PADI6: variants seen among roughly 807,000 people sequenced by gnomAD.
PADI6 encodes peptidyl arginine deiminase 6.
Under a neutral mutation model 78.2 loss-of-function variants are expected in PADI6, and 66 were observed. The ratio of observed to expected loss-of-function variants is 0.84; its 90% confidence interval spans 0.69 to 1.04. The LOEUF is 1.04. Among genes scored for constraint, PADI6 ranks in the 50% least tolerant of loss-of-function variants. PADI6 has a pLI of 0.00. For synonymous variants in PADI6, 397 were observed against 346.9 expected (o/e 1.14, Z -1.60); for missense variants, 854 against 866.1 (o/e 0.99, Z 0.18).
At chr1:17,384,491 C>T (rs1213920059) in intron 6 of PADI6, among the ~76,000 whole-genome samples, 2 of 143,188 alleles carry the variant, frequency 1.4e-5, no homozygotes, top group East Asian at 2.2e-4. Context: ...TTAATCCCAG[C>T]ACTTTGAGTA....
At chr1:17,392,575 G>C (rs1188527816) in intron 9 of PADI6, among the ~76,000 whole-genome samples, 1 of 152,346 alleles carries the variant, frequency 6.6e-6, no homozygotes, top group East Asian at 1.9e-4. Flanking sequence ...ACCAAGTCTA[G>C]AGCCCCGGTC....
chr1:17,380,901 C>T, intron 4 of PADI6, 146 bp from the exon 5 acceptor site: 1 of 585,142 alleles, frequency 1.7e-6, no homozygotes, highest in Non-Finnish European at 2.9e-6. Context: ...CCTGTGCCTA[C>T]AGATTCTTGA....
intron 15 of PADI6, among the ~76,000 whole-genome samples, chr1:17,399,723 C>A (rs1337235955): frequency 1.4e-5 from 2 of 139,496 alleles, no homozygotes; most frequent in East Asian, 2.2e-4. Flanking sequence ...TGAGACCCTG[C>A]AACTTTAAAA....
At chr1:17,393,894 G>A (rs561386119) in intron 9 of PADI6, 81 bp from the exon 10 acceptor site, 1 of 1,264,636 alleles carries the variant, frequency 7.9e-7, no homozygotes, top group East Asian at 2.4e-5. Context: ...GAAGGAAGGG[G>A]GTTCTTACCG....
At chr1:17,376,143 T>C (rs2075013816) in intron 3 of PADI6, among the ~76,000 whole-genome samples, 1 of 151,462 alleles carries the variant, frequency 6.6e-6, no homozygotes, top group Non-Finnish European at 1.5e-5. Flanking sequence ...CCTGGCTAAT[T>C]TTTATATTTT....
rs904376377 is a variant in PADI6, at chr1:17,372,855, G to C, written c.117-201G>C. Among the ~76,000 whole-genome samples the C allele has an allele frequency of 1.0e-3, 153 of 151,884 alleles. 2 individuals are homozygous for C. Among genetic ancestry groups the C allele is most frequent in the African/African-American group, 3.5e-3 (146 of 41,360 alleles). On this transcript the variant is annotated intron_variant, in intron 1 of 15. Coordinates refer to ENST00000619609, the MANE Select transcript of PADI6 (RefSeq NM_207421.4). Reference sequence around the variant, plus strand: ...CTTCTGCAGTGTCGGTAGCGGGATGGGGTTTGGGCTGGAGCCCGTCGGAGA... The same window carrying C: ...CTTCTGCAGTGTCGGTAGCGGGATGCGGTTTGGGCTGGAGCCCGTCGGAGA...
chr1:17,390,911 T>C (rs776046606), intron 8 of PADI6, among the ~76,000 whole-genome samples: 2 of 152,216 alleles, frequency 1.3e-5, no homozygotes, highest in East Asian at 1.9e-4. Context: ...TGACCCCATA[T>C]AGCTGCATAT....
At chr1:17,388,710 C>A in intron 7 of PADI6, 67 bp from the exon 8 acceptor site, 1 of 1,530,126 alleles carries the variant, frequency 6.5e-7, no homozygotes, top group Non-Finnish European at 8.9e-7. Flanking sequence ...ACGGCCGGAA[C>A]CCTGGGGTAA....
intron 13 of PADI6, 138 bp downstream of exon 13, chr1:17,395,801 C>A: frequency 2.5e-6 from 3 of 1,191,172 alleles, no homozygotes; most frequent in Non-Finnish European, 3.4e-6. Context: ...CATATTAGAA[C>A]GTCTTATTTC....
Position 17,398,654 on chromosome 1 carries a change from G to GCTC in PADI6, c.1690-31_1690-30insTCC, listed in dbSNP as rs1553154452. ...CCTGATGAGCTCTCCTTGCTCCCCC[G>GCTC]CCCCCCCCCCCACCCACCCACCCAC... On this transcript the variant is annotated intron_variant, in intron 14 of 15. Transcript: ENST00000619609. 16 of 173,478 alleles carry GCTC rather than the reference G, an allele frequency of 9.2e-5. 2 individuals are homozygous for GCTC. Among genetic ancestry groups the GCTC allele is most frequent in the Middle Eastern group, 2.4e-3 (1 of 412 alleles). 10.7% of individuals were successfully genotyped at this position (173,478 alleles called of 1,614,324 possible). A position where few individuals can be genotyped will look rare whatever the true frequency, so the allele number is the denominator to read the frequency against.
chr1:17,383,763 C>A (rs997315245), intron 6 of PADI6, among the ~76,000 whole-genome samples: 1 of 152,138 alleles, frequency 6.6e-6, no homozygotes, highest in Admixed American at 6.5e-5. Flanking sequence ...TTGCTTGAAC[C>A]CGAAAGGCAG....
In PADI6 at chr1:17,381,088, G is replaced by C; in HGVS notation, c.477G>C (p.Leu159=). 6.2e-7 allele frequency: 1 copy of C among 1,609,286 alleles called. No individual in the cohort carries two copies. Among genetic ancestry groups the C allele is most frequent in the Non-Finnish European group, 8.5e-7 (1 of 1,178,014 alleles). Residue 159 remains leucine, a synonymous_variant, in exon 5 of 16, where the codon CTG becomes CTC. Coordinates refer to ENST00000619609, the MANE Select transcript of PADI6 (RefSeq NM_207421.4). ...GTCCCAGCGGTTGGGGTGCCATCCTGCTTGTGAATTGCAACCCTGCTGATG... is the reference window on the plus strand; with the variant it reads ...GTCCCAGCGGTTGGGGTGCCATCCTCCTTGTGAATTGCAACCCTGCTGATG... The part of the protein sequence containing the change: ...IWGPSGWGAI[L]LVNCNPADVG...
intron 6 of PADI6, among the ~76,000 whole-genome samples, chr1:17,388,028 T>C (rs1027400082): frequency 6.6e-6 from 1 of 152,186 alleles, no homozygotes; most frequent in Non-Finnish European, 1.5e-5. Context: ...CCTTTAGGAC[T>C]CTGATATTAT....
chr1:17,392,114 G>T lies in PADI6; in HGVS notation c.963G>T (p.Arg321Ser). The T allele has an allele frequency of 6.4e-7, 1 of 1,555,056 alleles. No homozygotes were observed. The highest frequency in any genetic ancestry group is 8.7e-7 in the Non-Finnish European group (1 of 1,149,064). Residue 321 changes from arginine to serine, a missense_variant and splice_region_variant, in exon 9 of 16, where the codon AGG (arginine) becomes AGT (serine). Arg to Ser is a moderately radical substitution (Grantham distance 110). Transcript: ENST00000619609. ...TQVPLEVYLC[R>S]ELQLQGFVDT... ...AGAACTGGCTTCTCTCCCATGGCAG[G>T]GAGCTGCAGCTGCAGGGTTTTGTGG...
intron 3 of PADI6, among the ~76,000 whole-genome samples, chr1:17,376,286 T>C (rs1369159157): frequency 3.3e-5 from 5 of 149,636 alleles, no homozygotes; most frequent in Non-Finnish European, 5.9e-5. Context: ...TCATCTCTCT[T>C]AAACCTGATT....
chr1:17,400,133 C>T (rs1384241092), intron 15 of PADI6, among the ~76,000 whole-genome samples: 6 of 150,778 alleles, frequency 4.0e-5, no homozygotes, highest in African/African-American at 7.3e-5. Context: ...TCTTGAGCCC[C>T]GGAGGTGGAG....
chr1:17,394,229 T>C (rs1043079252), intron 10 of PADI6, 71 bp from the exon 11 acceptor site: 7 of 1,584,932 alleles, frequency 4.4e-6, no homozygotes, highest in Middle Eastern at 1.7e-4. Flanking sequence ...AGAGCCTGGA[T>C]TTAGGGATAA....
chr1:17,394,516 C>T, intron 11 of PADI6, 62 bp downstream of exon 11: 1 of 1,541,774 alleles, frequency 6.5e-7, no homozygotes. Flanking sequence ...TCCCCTGGCC[C>T]CGCCTGCTTC....
chr1:17,394,678 A>G (rs911258159), intron 11 of PADI6, among the ~76,000 whole-genome samples: 47 of 152,150 alleles, frequency 3.1e-4, no homozygotes, highest in African/African-American at 1.1e-3. Context: ...TTGGTCCACC[A>G]GGATGTCATT....
Sources: allele counts gnomAD v4.1 joint callset (sites outside exome capture counted in the v4.1 genomes callset), GRCh38; gene constraint gnomAD v4.1.1; transcripts MANE v1.5; gene names NCBI Gene and HGNC (gene_info 2026-07-23, HGNC 2026-07-21).